The following NAA16 variants were observed in gnomAD, a reference collection of about 807,000 sequenced individuals.
The protein encoded by NAA16 is NARG1-like protein.
Under a neutral mutation model 110.3 loss-of-function variants are expected in NAA16, and 97 were observed. The observed-to-expected ratio is 0.88, with a 90% CI of 0.75 to 1.04. NAA16 has a LOEUF of 1.04. Ranked by LOEUF, NAA16 falls within the 50% of genes least tolerant of loss-of-function variation. The probability of loss-of-function intolerance (pLI) is 0.00; values close to 1 mark genes in which losing one functional copy is unlikely to be tolerated. For synonymous variants in NAA16, 372 were observed against 330.6 expected (o/e 1.13, Z -1.36); for missense variants, 1,017 against 1,005.1 (o/e 1.01, Z -0.16).
Position 41,325,868 on chromosome 13 carries a change from T to C in NAA16, c.691+17T>C. ...AAATTAAAGGTAAGTTGGCTTGCCT[T>C]TTTTTAATAGCCTCAAACAGAAAAC... is the stretch of plus-strand genomic sequence containing the variant. On this transcript the variant is annotated intron_variant, in intron 6 of 19. Transcript: ENST00000379406. The C allele has an allele frequency of 6.3e-7, 1 of 1,586,522 alleles. No homozygotes were observed. Among genetic ancestry groups the C allele is most frequent in the Non-Finnish European group, 8.6e-7 (1 of 1,168,368 alleles).
At chr13:41,321,180 C>T (rs537134587) in intron 4 of NAA16, among the ~76,000 whole-genome samples, 4 of 152,204 alleles carry the variant, frequency 2.6e-5, no homozygotes, top group African/African-American at 2.4e-5. Flanking sequence ...CACCTGCAGT[C>T]CCAGCTATCC....
rs561476024 is a variant in NAA16, at chr13:41,311,698, C to T, written c.54+116C>T. 53 of 946,646 alleles carry T rather than the reference C, an allele frequency of 5.6e-5. No individual in the cohort carries two copies. The African/African-American group carries it at 5.7e-4, about 10-fold the overall frequency. The allele number at this position is 946,646 out of a possible 1,614,324, so 58.6% of individuals were successfully genotyped here. A position where few individuals can be genotyped will look rare whatever the true frequency, so the allele number is the denominator to read the frequency against. On this transcript the variant is annotated intron_variant, in intron 1 of 19. Coordinates refer to ENST00000379406, the MANE Select transcript of NAA16 (RefSeq NM_024561.5). ...GGCTTGGCCTCCGCTGCCCACCGCT[C>T]TTTGTTTACCTCGGAGGTCGCGGGA... is the stretch of plus-strand genomic sequence containing the variant.
rs754526874 is a variant in NAA16, at chr13:41,358,466, T to C, written c.1250T>C (p.Ile417Thr). The C allele has an allele frequency of 5.6e-6, 9 of 1,613,030 alleles. No individual in the cohort carries two copies. The highest frequency in any genetic ancestry group is 1.7e-5 in the Admixed American group (1 of 59,982). ...GAATTATTCTATATGAAAGCAAAAA[T>C]TTACAAGGTAAAATCTGAATCCTGT... Reference protein sequence around the residue: ...LIELFYMKAKIYKHIGNLKEA... With the variant: ...LIELFYMKAKTYKHIGNLKEA... Residue 417 changes from isoleucine (I) to threonine (T), a missense_variant, in exon 11 of 20, where the codon ATT becomes ACT. Coordinates refer to ENST00000379406, the MANE Select transcript of NAA16 (RefSeq NM_024561.5).
chr13:41,355,543 C>CCTG (rs1239756591), intron 10 of NAA16, among the ~76,000 whole-genome samples: 1 of 152,188 alleles, frequency 6.6e-6, no homozygotes. Flanking sequence ...GATGCTCCTG[C>CCTG]CTTAGCCTTC....
intron 9 of NAA16, among the ~76,000 whole-genome samples, chr13:41,345,082 C>G (rs146640070): frequency 2.6e-5 from 4 of 152,258 alleles, no homozygotes; most frequent in African/African-American, 7.2e-5. Context: ...ATGTAACATT[C>G]CATTTTATGG....
At chr13:41,328,046 C>T (rs1449120954) in intron 6 of NAA16, 2 of 152,014 alleles carry the variant, frequency 1.3e-5, no homozygotes, top group Non-Finnish European at 2.9e-5. Context: ...GGGCAGGAAG[C>T]TGAGGTATGT....
At chr13:41,370,122 CTG>C (rs1009437934) in intron 15 of NAA16, among the ~76,000 whole-genome samples, 1 of 152,162 alleles carries the variant, frequency 6.6e-6, no homozygotes, top group Non-Finnish European at 1.5e-5. Context: ...GGTTTATTCA[CTG>C]TAAGTCTAGT....
chr13:41,364,432 G>A (rs1217220318), intron 13 of NAA16, among the ~76,000 whole-genome samples: 1 of 151,786 alleles, frequency 6.6e-6, no homozygotes, highest in African/African-American at 2.4e-5. Flanking sequence ...TATATTTTAA[G>A]GTTTTGTAGT....
intron 7 of NAA16, among the ~76,000 whole-genome samples, chr13:41,330,074 G>A (rs1357348768): frequency 1.3e-5 from 2 of 151,538 alleles, no homozygotes; most frequent in Non-Finnish European, 2.9e-5. Context: ...GATTAGGCAC[G>A]AACATGAGAG....
In NAA16 at chr13:41,348,680, C is replaced by T. The variant is rs74845221; in HGVS notation, c.1015-6464C>T. 8.9e-4 allele frequency among the ~76,000 whole-genome samples: 136 copies of T among 152,030 alleles called. 2 individuals are homozygous for T. In the East Asian group the frequency reaches 0.025, roughly 28 times the overall value. On this transcript the variant is annotated intron_variant, in intron 9 of 19. Coordinates refer to ENST00000379406, the MANE Select transcript of NAA16 (RefSeq NM_024561.5). ...AATGAATTGGGAAATGTTCTCTCCT[C>T]TTTTTTTGGGGGGGCGGGAAGAGTT... is the stretch of plus-strand genomic sequence containing the variant.
intron 2 of NAA16, among the ~76,000 whole-genome samples, chr13:41,317,229 A>G (rs1414794834): frequency 4.6e-5 from 7 of 152,186 alleles, no homozygotes; most frequent in African/African-American, 1.4e-4. Context: ...AATAGAATTT[A>G]AAGTTTATAC....
At chr13:41,353,768 TACACACACAC>T (rs58020530) in intron 9 of NAA16, among the ~76,000 whole-genome samples, 7,438 of 146,714 alleles carry the variant, frequency 0.051, 371 homozygotes, top group East Asian at 0.2. Flanking sequence ...CCCTGTCTCT[TACACACACAC>T]ACACACACAC....
chr13:41,341,444 G>A (rs1200578967), intron 9 of NAA16, among the ~76,000 whole-genome samples: 1 of 152,168 alleles, frequency 6.6e-6, no homozygotes, highest in Non-Finnish European at 1.5e-5. Flanking sequence ...CTTGCCAGCC[G>A]TGGTGGCTCA....
At chr13:41,331,535 G>A (rs923767486) in intron 8 of NAA16, among the ~76,000 whole-genome samples, 166 bp downstream of exon 8, 1 of 152,092 alleles carries the variant, frequency 6.6e-6, no homozygotes, top group Non-Finnish European at 1.5e-5. Flanking sequence ...ACTTCAATGT[G>A]TAGTTAAATG....
chr13:41,355,154 T>A lies in NAA16; in HGVS notation c.1025T>A (p.Ile342Asn). ...LYYNTEKVSI[I>N]QELVTNYEAS... ...ATGTTTCTTTAACAGGTTTCTATAA[T>A]CCAGGAACTTGTTACTAATTATGAA... Residue 342 changes from isoleucine to asparagine, a missense_variant, in exon 10 of 20, where the codon ATC (isoleucine) becomes AAC (asparagine). Coordinates refer to ENST00000379406, the MANE Select transcript of NAA16 (RefSeq NM_024561.5). The A allele has an allele frequency of 3.8e-6, 6 of 1,580,802 alleles. No homozygotes were observed. The highest frequency in any genetic ancestry group is 5.2e-6 in the Non-Finnish European group (6 of 1,161,324).
intron 9 of NAA16, among the ~76,000 whole-genome samples, chr13:41,339,553 G>A (rs1277796825): frequency 6.6e-6 from 1 of 152,032 alleles, no homozygotes; most frequent in Admixed American, 6.6e-5. Context: ...TTTTTTGTTT[G>A]TTTGTTTTGT....
chr13:41,370,270 G>A (rs1385120535), intron 15 of NAA16, among the ~76,000 whole-genome samples: 2 of 152,176 alleles, frequency 1.3e-5, no homozygotes, highest in Non-Finnish European at 2.9e-5. Flanking sequence ...AGCTGGCAGA[G>A]AAGTTCCAGA....
chr13:41,335,470 TTGTATACC>T (rs2042355482), intron 8 of NAA16, among the ~76,000 whole-genome samples: 1 of 152,198 alleles, frequency 6.6e-6, no homozygotes, highest in African/African-American at 2.4e-5. Flanking sequence ...GTTAATTTCG[TTGTATACC>T]AGAGGAATTA....
chr13:41,321,717 A>G lies in NAA16; in HGVS notation c.402+893A>G, dbSNP rs372973558. On this transcript the variant is annotated intron_variant, in intron 4 of 19. Transcript: ENST00000379406. ...CTTCAACTCTCTCCTGGACATCTCC[A>G]TGTGCTTAGTCCACTTCGTATCCTA... Among the ~76,000 whole-genome samples, 65 of 152,368 alleles carry G rather than the reference A, an allele frequency of 4.3e-4. 4 individuals carry two copies. In the South Asian group the frequency reaches 0.012, roughly 29 times the overall value.
Sources: allele counts gnomAD v4.1 joint callset (sites outside exome capture counted in the v4.1 genomes callset), GRCh38; gene constraint gnomAD v4.1.1; transcripts MANE v1.5; gene names NCBI Gene and HGNC (gene_info 2026-07-23, HGNC 2026-07-21).